The following LRMDA variants were observed in gnomAD, a reference collection of about 807,000 sequenced individuals.
LRMDA encodes the protein leucine-rich melanocyte differentiation-associated protein.
A neutral mutation model predicts 29.8 loss-of-function variants in LRMDA; 18 were observed. The observed-to-expected ratio is 0.60, with a 90% CI of 0.42 to 0.90. The LOEUF (loss-of-function observed/expected upper bound fraction) is 0.90, where lower values mean the gene tolerates loss of function less well. Among genes scored for constraint, LRMDA ranks in the 40% least tolerant of loss-of-function variants. LRMDA has a pLI of 0.00. For synonymous variants in LRMDA, 125 were observed against 109.4 expected, an observed-to-expected ratio of 1.14 and a Z score of -0.89; for missense variants, 273 against 273.9, an observed-to-expected ratio of 1.00 and a Z score of 0.02.
intron 2 of LRMDA, among the ~76,000 whole-genome samples, chr10:75,458,544 A>G (rs571041492): frequency 9.8e-5 from 15 of 152,352 alleles, no homozygotes; most frequent in Non-Finnish European, 1.8e-4. Context: ...TAAATAAGGT[A>G]TGTCATTATA....
chr10:75,869,606 G>A (rs1845076091), intron 2 of LRMDA, among the ~76,000 whole-genome samples: 1 of 152,134 alleles, frequency 6.6e-6, no homozygotes, highest in Admixed American at 6.5e-5. Context: ...GGTCTGTGGT[G>A]GGAAAACCAA....
At chr10:76,087,457 C>A (rs913014891) in intron 5 of LRMDA, among the ~76,000 whole-genome samples, 1 of 152,152 alleles carries the variant, frequency 6.6e-6, no homozygotes, top group Non-Finnish European at 1.5e-5. Context: ...CATACCACAC[C>A]CTATGCTGGT....
At position 75,840,191 on chromosome 10, in the gene LRMDA, C is replaced by A. The variant is rs7901455; in HGVS notation, c.132-195817C>A. On this transcript the variant is annotated intron_variant, in intron 2 of 6. Transcript: ENST00000611255. ...GCTAGCATAGATCTTGGCCTACATA[C>A]CCTTACAGGCCTTCCTTCACTTGGA... is the stretch of plus-strand genomic sequence containing the variant. Among the ~76,000 whole-genome samples the A allele has an allele frequency of 2.7e-3, 408 of 152,264 alleles. 4 individuals are homozygous for A. Among genetic ancestry groups the A allele is most frequent in the African/African-American group, 9.0e-3 (374 of 41,538 alleles).
intron 2 of LRMDA, among the ~76,000 whole-genome samples, chr10:75,473,343 C>T (rs917610394): frequency 2.6e-5 from 4 of 152,180 alleles, no homozygotes; most frequent in Admixed American, 1.3e-4. Context: ...GAGCAGGGGG[C>T]GGTGCTGAAG....
chr10:75,887,776 G>T (rs1270627578), intron 2 of LRMDA, among the ~76,000 whole-genome samples: 1 of 152,118 alleles, frequency 6.6e-6, no homozygotes, highest in African/African-American at 2.4e-5. Flanking sequence ...AAGGCAGGGG[G>T]TCTTCATTTG....
chr10:76,227,565 G>A (rs1851983101), intron 5 of LRMDA, among the ~76,000 whole-genome samples: 2 of 152,162 alleles, frequency 1.3e-5, no homozygotes, highest in Non-Finnish European at 2.9e-5. Context: ...TAGTTTTAGG[G>A]TGATTTTTGT....
At chr10:76,408,221 G>A (rs1404911272) in intron 6 of LRMDA, among the ~76,000 whole-genome samples, 2 of 152,156 alleles carry the variant, frequency 1.3e-5, no homozygotes, top group East Asian at 3.9e-4. Context: ...TTGGGATGAG[G>A]ACACCAGCGC....
chr10:76,066,317 A>G (rs1848784657), intron 5 of LRMDA, among the ~76,000 whole-genome samples: 1 of 152,208 alleles, frequency 6.6e-6, no homozygotes, highest in Admixed American at 6.5e-5. Context: ...AGTTAGAAGA[A>G]CATGCATTAA....
At chr10:75,850,530 GT>G (rs1473627666) in intron 2 of LRMDA, among the ~76,000 whole-genome samples, 1 of 152,160 alleles carries the variant, frequency 6.6e-6, no homozygotes, top group Non-Finnish European at 1.5e-5. Flanking sequence ...GTGTTTTTCT[GT>G]TGCTCATATA....
At chr10:76,333,796 TAAAG>T (rs1389782412) in intron 6 of LRMDA, among the ~76,000 whole-genome samples, 1 of 151,880 alleles carries the variant, frequency 6.6e-6, no homozygotes, top group Non-Finnish European at 1.5e-5. Flanking sequence ...GTACAAAAAA[TAAAG>T]GAAGGAATAT....
At chr10:75,543,946 C>T (rs765383246) in intron 2 of LRMDA, among the ~76,000 whole-genome samples, 4 of 152,154 alleles carry the variant, frequency 2.6e-5, no homozygotes, top group Admixed American at 6.5e-5. Context: ...GAATGTGCTT[C>T]CTTGCTGTGG....
At chr10:76,089,283 C>T (rs1268117542) in intron 5 of LRMDA, among the ~76,000 whole-genome samples, 1 of 152,164 alleles carries the variant, frequency 6.6e-6, no homozygotes, top group African/African-American at 2.4e-5. Context: ...CTGTCTGACT[C>T]CAAAGCCTGC....
chr10:76,234,884 C>T (rs919197474), intron 5 of LRMDA, among the ~76,000 whole-genome samples: 1 of 152,224 alleles, frequency 6.6e-6, no homozygotes, highest in African/African-American at 2.4e-5. Flanking sequence ...AAAACTTTCT[C>T]CATATCAGCA....
chr10:76,342,982 G>A (rs931411242), intron 6 of LRMDA, among the ~76,000 whole-genome samples: 1 of 151,278 alleles, frequency 6.6e-6, no homozygotes, highest in African/African-American at 2.4e-5. Flanking sequence ...GCTGGAGCAG[G>A]GAGTAAAAAA....
At chr10:75,757,321 C>T (rs151025421) in intron 2 of LRMDA, among the ~76,000 whole-genome samples, 282 of 152,242 alleles carry the variant, frequency 1.9e-3, no homozygotes, top group Middle Eastern at 0.017. Flanking sequence ...GGAAATTGTA[C>T]GAGAGGTTTG....
chr10:75,444,151 T>C (rs1844362590), intron 2 of LRMDA, among the ~76,000 whole-genome samples: 1 of 152,260 alleles, frequency 6.6e-6, no homozygotes, highest in African/African-American at 2.4e-5. Flanking sequence ...GTATTTTTTT[T>C]CTTCTCATTA....
At chr10:76,157,769 A>G (rs7918331) in intron 5 of LRMDA, among the ~76,000 whole-genome samples, 25,647 of 152,064 alleles carry the variant, frequency 0.17, 2,571 homozygotes, top group Admixed American at 0.24. Context: ...ATGGGGATAC[A>G]TTCTGAGAAA....
intron 2 of LRMDA, among the ~76,000 whole-genome samples, chr10:75,841,253 C>G (rs919183562): frequency 5.3e-5 from 8 of 152,234 alleles, no homozygotes; most frequent in Non-Finnish European, 4.4e-5. Context: ...CATGGGCCTT[C>G]TCACTCTCAA....
chr10:76,184,298 T>G (rs1851107880), intron 5 of LRMDA, among the ~76,000 whole-genome samples: 1 of 152,134 alleles, frequency 6.6e-6, no homozygotes, highest in Non-Finnish European at 1.5e-5. Context: ...CCCAAAGTGC[T>G]GGGATTACAG....
Sources: gnomAD v4.1 joint callset for allele counts (sites outside exome capture counted in the v4.1 genomes callset) on GRCh38, gnomAD v4.1.1 for gene constraint, MANE v1.5 for transcripts, NCBI Gene and HGNC (gene_info 2026-07-23, HGNC 2026-07-21) for gene names.